FEZ1: variants seen among roughly 807,000 people sequenced by gnomAD.
FEZ1 encodes the protein fasciculation and elongation protein zeta 1, also known as fasciculation and elongation protein zeta-1.
A neutral mutation model predicts 49.3 loss-of-function variants in FEZ1; 20 were observed. The observed-to-expected ratio is 0.41, with a 90% CI of 0.29 to 0.59. The LOEUF (loss-of-function observed/expected upper bound fraction) is 0.59. Among genes scored for constraint, FEZ1 ranks in the 20% least tolerant of loss-of-function variants. FEZ1 has a pLI of 0.36. For synonymous variants in FEZ1, 170 were observed against 180.9 expected, an observed-to-expected ratio of 0.94 and a Z score of 0.48; for missense variants, 413 against 476.0, an observed-to-expected ratio of 0.87 and a Z score of 1.23.
rs866211353 is a variant in FEZ1 at position 125,493,421 on chromosome 11, A to G, written c.-46+2700T>C. ...AAGAAAGAAAGAAAGAAAGAAAGAA[A>G]GAAGGAAAGAAGGAAAGAAGGAAAG... On this transcript the variant is annotated intron_variant, in intron 1 of 9. Transcript: ENST00000278919. Among the ~76,000 whole-genome samples the G allele has an allele frequency of 4.6e-4, 17 of 36,618 alleles. 1 individual carries two copies. The South Asian group carries it at 8.8e-3, about 19-fold the overall frequency. 24.0% of individuals were successfully genotyped at this position (36,618 alleles called of 152,430 possible).
In FEZ1 at chr11:125,481,632, C is replaced by A. The variant is rs753458360; in HGVS notation, c.313G>T (p.Val105Phe). Residue 105 changes from valine (V) to phenylalanine (F), a missense_variant and splice_region_variant, in exon 3 of 10, where the codon GTT becomes TTT. Transcript: ENST00000278919. ...TAATTGTCTGTCAGAGCATCCCAAA[C>A]CCTGTAAACAAAGAGAAGCTCTCAT... ...EEEETLQDEE[V>F]WDALTDNYIP... is the part of the protein sequence containing the mutation. 3.7e-6 allele frequency: 6 copies of A among 1,602,578 alleles called. No individual in the cohort carries two copies. Among genetic ancestry groups the A allele is most frequent in the African/African-American group, 1.3e-5 (1 of 74,728 alleles).
At chr11:125,452,610 T>G in intron 7 of FEZ1, 3 of 542,692 alleles carry the variant, frequency 5.5e-6, no homozygotes, top group African/African-American at 1.9e-5. Flanking sequence ...CACATTTCTC[T>G]CCATCCCAAC....
At chr11:125,474,778 C>G (rs1206666721) in intron 3 of FEZ1, among the ~76,000 whole-genome samples, 1 of 152,030 alleles carries the variant, frequency 6.6e-6, no homozygotes, top group Non-Finnish European at 1.5e-5. Flanking sequence ...ATCCCAGCTA[C>G]TCAGAAGGCT....
At position 125,463,631 on chromosome 11, in the gene FEZ1, T is replaced by C. The variant is rs553325413; in HGVS notation, c.412-61A>G. 5.1e-4 allele frequency: 508 copies of C among 1,000,966 alleles called. 2 individuals are homozygous for C. The Middle Eastern group carries it at 6.2e-3, about 12-fold the overall frequency. 62.0% of individuals were successfully genotyped at this position (1,000,966 alleles called of 1,614,324 possible). Reference sequence around the variant, plus strand: ...CCATCAGCAGAAGTGGGATTGCCTCTAGTCTCGAGAATGGATGATACTGAC... The same window carrying C: ...CCATCAGCAGAAGTGGGATTGCCTCCAGTCTCGAGAATGGATGATACTGAC... On this transcript the variant is annotated intron_variant, in intron 3 of 9. Coordinates refer to ENST00000278919, the MANE Select transcript of FEZ1 (RefSeq NM_005103.5).
In FEZ1 at chr11:125,489,474, C is replaced by T. The variant is rs918651414; in HGVS notation, c.304G>A (p.Asp102Asn). The change falls in exon 2 of 10, where the codon GAC (aspartate) becomes AAC (asparagine). Residue 102 changes from aspartate to asparagine, a missense_variant. Asp to Asn is a conservative substitution (Grantham distance 23). Transcript: ENST00000278919. This position sits in a 1 kb window ranked among gnomAD's most constrained non-coding sequence, Gnocchi z 4.2. ...GCAATTAAGACTTCTTACTCCTCGT[C>T]CTGAAGGGTCTCCTCCTCCTCTTGG... is the stretch of plus-strand genomic sequence containing the variant. ...QIQEEEETLQ[D>N]EEVWDALTDN... 37 of 1,612,136 alleles carry T rather than the reference C, an allele frequency of 2.3e-5. No individual in the cohort carries two copies. Among genetic ancestry groups the T allele is most frequent in the Non-Finnish European group, 3.1e-5 (37 of 1,179,198 alleles).
At chr11:125,451,530 T>C (rs1432441865) in intron 8 of FEZ1, 1 of 152,198 alleles carries the variant, frequency 6.6e-6, no homozygotes, top group Non-Finnish European at 1.5e-5. Context: ...CAGGCTGCAG[T>C]GGGCGGGGCC....
intron 5 of FEZ1, among the ~76,000 whole-genome samples, chr11:125,459,693 T>C (rs983542479): frequency 1.3e-5 from 2 of 152,256 alleles, no homozygotes; most frequent in African/African-American, 2.4e-5. Flanking sequence ...TCATTTCTAA[T>C]CATATTTCCC....
chr11:125,469,977 A>C (rs1002656029), intron 3 of FEZ1, among the ~76,000 whole-genome samples: 2 of 152,072 alleles, frequency 1.3e-5, no homozygotes, highest in South Asian at 2.1e-4. Context: ...GTCCTCCCAA[A>C]GTGCTAGGAT....
At chr11:125,485,120 A>G (rs1458659192) in intron 2 of FEZ1, among the ~76,000 whole-genome samples, 1 of 152,234 alleles carries the variant, frequency 6.6e-6, no homozygotes. Flanking sequence ...TCTATCATTC[A>G]TCAGAGAACT....
chr11:125,487,417 G>A (rs1476718731), intron 2 of FEZ1, among the ~76,000 whole-genome samples: 3 of 152,194 alleles, frequency 2.0e-5, no homozygotes, highest in African/African-American at 7.2e-5. Context: ...CAGCGAGTTA[G>A]AGAGAGTACC....
rs761801883 is a variant in FEZ1, at chr11:125,463,165, G to C, written c.498+319C>G. On this transcript the variant is annotated intron_variant, in intron 4 of 9. Transcript: ENST00000278919. ...AAAATTTTTTATAAGAATTAGCCAG[G>C]CATGGTGGTGCATGCCTGTAGTCCC... 1.0e-4 allele frequency: 17 copies of C among 170,164 alleles called. No individual in the cohort carries two copies. The Admixed American group carries it at 1.0e-3, about 10-fold the overall frequency. The allele number at this position is 170,164 out of a possible 1,614,324, so 10.5% of individuals were successfully genotyped here. A position where few individuals can be genotyped will look rare whatever the true frequency, so the allele number is the denominator to read the frequency against.
At chr11:125,483,193 C>T (rs1404546188) in intron 2 of FEZ1, among the ~76,000 whole-genome samples, 1 of 151,910 alleles carries the variant, frequency 6.6e-6, no homozygotes, top group Non-Finnish European at 1.5e-5. Flanking sequence ...ACAAAATGCC[C>T]ATATATCACA....
intron 3 of FEZ1, among the ~76,000 whole-genome samples, chr11:125,467,716 T>C (rs575074530): frequency 6.6e-6 from 1 of 152,262 alleles, no homozygotes; most frequent in East Asian, 1.9e-4. Context: ...GGTGCACACC[T>C]GTAGTCCCAG....
In FEZ1 at chr11:125,449,441, A is replaced by AAAAAAAAAAAAAAAAAG. The variant is rs796507357; in HGVS notation, c.1097-875_1097-874insCTTTTTTTTTTTTTTTT. ...ATAAAAAAAAAAAAAAAAAAAAAAA[A>AAAAAAAAAAAAAAAAAG]AAGAAGAAGAGGAAGAAAAGAAAAA... On this transcript the variant is annotated intron_variant, in intron 8 of 9. Coordinates refer to ENST00000278919, the MANE Select transcript of FEZ1 (RefSeq NM_005103.5). 1.2e-4 allele frequency among the ~76,000 whole-genome samples: 15 copies of AAAAAAAAAAAAAAAAAG among 128,256 alleles called. 1 individual carries two copies. The highest frequency in any genetic ancestry group is 1.7e-4 in the African/African-American group (6 of 36,296). The allele number at this position is 128,256 out of a possible 152,430, so 84.1% of individuals were successfully genotyped here. A position where few individuals can be genotyped will look rare whatever the true frequency, so the allele number is the denominator to read the frequency against.
At chr11:125,493,640 G>C (rs116692274) in intron 1 of FEZ1, among the ~76,000 whole-genome samples, 236 of 152,282 alleles carry the variant, frequency 1.5e-3, no homozygotes, top group African/African-American at 5.4e-3. Flanking sequence ...TATCAAACAA[G>C]AGAACTATTG....
chr11:125,445,515 T>G lies in FEZ1; in HGVS notation c.*580A>C, dbSNP rs936872684. ...CAGCCCCTGGTGCAGCTCCCTTGCATGTGGCTGAGCAGCAAAAACTGAGGT... is the reference window on the plus strand; with the variant it reads ...CAGCCCCTGGTGCAGCTCCCTTGCAGGTGGCTGAGCAGCAAAAACTGAGGT... On this transcript the variant is annotated 3_prime_UTR_variant, in exon 10 of 10. Coordinates refer to ENST00000278919, the MANE Select transcript of FEZ1 (RefSeq NM_005103.5). This position sits in a 1 kb window ranked among gnomAD's most constrained non-coding sequence, Gnocchi z 4.4. Among the ~76,000 whole-genome samples the G allele has an allele frequency of 2.0e-5, 3 of 152,214 alleles. No homozygotes were observed. In the East Asian group the frequency reaches 5.8e-4, roughly 29 times the overall value.
chr11:125,495,695 C>T lies in FEZ1; in HGVS notation c.-46+426G>A, dbSNP rs1349332139. ...TAACGGTCCCGGGACGAGGTACCGA[C>T]CCACTGCCCCAGCGCGATCGGGCGG... On this transcript the variant is annotated intron_variant, in intron 1 of 9. Coordinates refer to ENST00000278919, the MANE Select transcript of FEZ1 (RefSeq NM_005103.5). The surrounding 1 kb of genome is among the most constrained non-coding windows in gnomAD (Gnocchi z 4.2). 1.4e-5 allele frequency: 5 copies of T among 369,894 alleles called. No individual in the cohort carries two copies. Among genetic ancestry groups the T allele is most frequent in the African/African-American group, 1.1e-4 (5 of 47,208 alleles). The allele number at this position is 369,894 out of a possible 1,614,324, so 22.9% of individuals were successfully genotyped here.
At chr11:125,455,539 A>G (rs1957001124) in intron 6 of FEZ1, 1 of 431,776 alleles carries the variant, frequency 2.3e-6, no homozygotes, top group Non-Finnish European at 4.2e-6. Context: ...CAAGACTCCC[A>G]ACACGAAATA....
At chr11:125,471,431 TACACACACACACACAC>T (rs34965918) in intron 3 of FEZ1, among the ~76,000 whole-genome samples, 3 of 147,882 alleles carry the variant, frequency 2.0e-5, no homozygotes, top group African/African-American at 7.4e-5. Context: ...TTGAGATAGA[TACACACACACACACAC>T]ACACACACAC....
Sources: gnomAD v4.1 joint callset for allele counts (sites outside exome capture counted in the v4.1 genomes callset) on GRCh38, gnomAD v4.1.1 for gene constraint, Gnocchi (gnomAD v3.1) non-coding constraint, MANE v1.5 for transcripts, NCBI Gene and HGNC (gene_info 2026-07-23, HGNC 2026-07-21) for gene names.